The following RBFOX1 variants were observed in gnomAD, a reference collection of about 807,000 sequenced individuals.
RBFOX1 encodes RNA binding fox-1 homolog 1, also known as RNA binding protein fox-1 homolog 1.
In RBFOX1, 8 loss-of-function variants were observed where a neutral mutation model predicts 57.7. The ratio of observed to expected loss-of-function variants is 0.14; its 90% CI spans 0.08 to 0.25. The LOEUF (loss-of-function observed/expected upper bound fraction) is 0.25, where lower values mean the gene tolerates loss of function less well. RBFOX1 is among the 10% of genes least tolerant of loss of function. The pLI is 1.00. For synonymous variants in RBFOX1, 326 were observed against 222.4 expected, an observed-to-expected ratio of 1.47 and a Z score of -4.15; for missense variants, 611 against 548.5, an observed-to-expected ratio of 1.11 and a Z score of -1.14.
At chr16:6,846,308 C>T (rs1226095294) in intron 3 of RBFOX1, among the ~76,000 whole-genome samples, 2 of 152,134 alleles carry the variant, frequency 1.3e-5, no homozygotes, top group Non-Finnish European at 2.9e-5. Flanking sequence ...AACATGGACA[C>T]ATCACAGACT....
chr16:7,528,269 G>A (rs978849885), intron 5 of RBFOX1, among the ~76,000 whole-genome samples: 1 of 152,130 alleles, frequency 6.6e-6, no homozygotes, highest in African/African-American at 2.4e-5. Context: ...TTGGTGCTTT[G>A]TGCTTATTCA....
At chr16:5,487,282 C>T (rs943882261) in intron 2 of RBFOX1, among the ~76,000 whole-genome samples, 6 of 152,206 alleles carry the variant, frequency 3.9e-5, no homozygotes, top group Non-Finnish European at 5.9e-5. Context: ...ATCTTGTTGT[C>T]TATTGTTTCT....
chr16:7,198,754 C>G (rs1332424658), intron 4 of RBFOX1, among the ~76,000 whole-genome samples: 2 of 152,194 alleles, frequency 1.3e-5, no homozygotes, highest in African/African-American at 4.8e-5. Context: ...GTGGAGTTCT[C>G]GTAATCTAAT....
At chr16:6,586,913 A>G (rs931568095) in intron 2 of RBFOX1, among the ~76,000 whole-genome samples, 3 of 152,232 alleles carry the variant, frequency 2.0e-5, no homozygotes, top group Non-Finnish European at 4.4e-5. Context: ...ATTGTATATT[A>G]TGTAAAACAG....
At chr16:5,253,091 C>G (rs1233593608) in intron 1 of RBFOX1, among the ~76,000 whole-genome samples, 1 of 152,116 alleles carries the variant, frequency 6.6e-6, no homozygotes, top group African/African-American at 2.4e-5. Flanking sequence ...AAACCAGGCT[C>G]AGCTTTGGAA....
intron 2 of RBFOX1, among the ~76,000 whole-genome samples, chr16:6,376,476 C>T (rs976608774): frequency 6.6e-6 from 1 of 152,156 alleles, no homozygotes; most frequent in Non-Finnish European, 1.5e-5. Context: ...TTGCCTTTTC[C>T]AGTTTCTGGT....
chr16:6,233,986 A>G (rs2097485941), intron 1 of RBFOX1, among the ~76,000 whole-genome samples: 1 of 152,200 alleles, frequency 6.6e-6, no homozygotes, highest in Non-Finnish European at 1.5e-5. Context: ...AGGCAATAGA[A>G]GGTTCCATGT....
chr16:5,458,742 C>T (rs947509383), intron 1 of RBFOX1, among the ~76,000 whole-genome samples: 8 of 152,188 alleles, frequency 5.3e-5, no homozygotes, highest in Non-Finnish European at 1.2e-4. Flanking sequence ...GAGAATATAA[C>T]AAAACTTAAA....
At chr16:5,734,557 G>C (rs556387069) in intron 3 of RBFOX1, among the ~76,000 whole-genome samples, 4 of 152,332 alleles carry the variant, frequency 2.6e-5, no homozygotes, top group African/African-American at 9.6e-5. Flanking sequence ...GAGGAAATGA[G>C]GCAGCATCCA....
At chr16:6,808,412 G>T (rs1029202423) in intron 3 of RBFOX1, among the ~76,000 whole-genome samples, 28 of 151,992 alleles carry the variant, frequency 1.8e-4, no homozygotes, top group African/African-American at 6.8e-4. Context: ...TATGGAAGCA[G>T]AGTTCCTTTT....
chr16:7,352,829 C>T (rs1056145010), intron 4 of RBFOX1, among the ~76,000 whole-genome samples: 1 of 152,110 alleles, frequency 6.6e-6, no homozygotes, highest in Non-Finnish European at 1.5e-5. Flanking sequence ...GATCCTCCCA[C>T]CTCAACCTCC....
chr16:6,840,810 C>G (rs978839787), intron 3 of RBFOX1, among the ~76,000 whole-genome samples: 1 of 148,150 alleles, frequency 6.7e-6, no homozygotes, highest in Non-Finnish European at 1.5e-5. Context: ...TTGCTTGATC[C>G]TGGGAGGTGG....
Position 7,603,140 on chromosome 16 carries a change from C to T in RBFOX1, c.623-4145C>T, listed in dbSNP as rs1398144082. Among the ~76,000 whole-genome samples the T allele has an allele frequency of 2.0e-5, 3 of 152,218 alleles. No homozygotes were observed. In the East Asian group the frequency reaches 5.8e-4, roughly 29 times the overall value. ...CAAAAAAGTAATTTCAACTAAGCAA[C>T]CGGGACAACAGTCATCCCTAACACG... On this transcript the variant is annotated intron_variant, in intron 9 of 15. Coordinates refer to ENST00000550418, the MANE Select transcript of RBFOX1 (RefSeq NM_018723.4).
intron 4 of RBFOX1, among the ~76,000 whole-genome samples, chr16:7,189,985 A>G (rs370786682): frequency 6.6e-6 from 1 of 152,380 alleles, no homozygotes; most frequent in South Asian, 2.1e-4. Flanking sequence ...TTGAGCAATG[A>G]CAAAATCCCA....
At chr16:5,345,127 C>T (rs1409828161) in intron 1 of RBFOX1, among the ~76,000 whole-genome samples, 2 of 152,088 alleles carry the variant, frequency 1.3e-5, no homozygotes, top group Non-Finnish European at 2.9e-5. Context: ...AGGGGGCTGC[C>T]TCGACCCTCT....
intron 4 of RBFOX1, among the ~76,000 whole-genome samples, chr16:7,065,489 A>G (rs2055756114): frequency 6.6e-6 from 1 of 152,264 alleles, no homozygotes; most frequent in Middle Eastern, 3.4e-3. Flanking sequence ...GCTGCCATCT[A>G]TCTAAGACGC....
intron 4 of RBFOX1, among the ~76,000 whole-genome samples, chr16:7,479,715 A>AG (rs928772358): frequency 2.0e-4 from 31 of 151,854 alleles, no homozygotes; most frequent in Admixed American, 3.3e-4. Context: ...GGGCACCTGG[A>AG]GGGGGGGCAG....
intron 4 of RBFOX1, among the ~76,000 whole-genome samples, chr16:7,286,437 G>C (rs1030183685): frequency 4.0e-5 from 6 of 149,440 alleles, no homozygotes; most frequent in African/African-American, 1.2e-4. Flanking sequence ...TTCATACTTT[G>C]ATACTTTCTT....
At chr16:7,133,927 A>G (rs1336525804) in intron 4 of RBFOX1, among the ~76,000 whole-genome samples, 2 of 152,194 alleles carry the variant, frequency 1.3e-5, no homozygotes, top group African/African-American at 4.8e-5. Context: ...TGAATACATG[A>G]TCTGCTACTT....
Sources: allele counts gnomAD v4.1 joint callset (sites outside exome capture counted in the v4.1 genomes callset), GRCh38; gene constraint gnomAD v4.1.1; transcripts MANE v1.5; gene names NCBI Gene and HGNC (gene_info 2026-07-23, HGNC 2026-07-21).